The following ZNF462 variants were observed in gnomAD, a reference collection of about 807,000 sequenced individuals.
ZNF462 encodes the protein zinc finger PBX1-interacting protein.
In ZNF462, 10 loss-of-function variants were observed where a neutral mutation model predicts 201.9. The ratio of observed to expected loss-of-function variants is 0.05; its 90% CI spans 0.03 to 0.08. The LOEUF is 0.08. Among genes scored for constraint, ZNF462 ranks in the 10% least tolerant of loss-of-function variants. The pLI is 1.00. For synonymous variants in ZNF462, 1,227 were observed against 1,193.3 expected (o/e 1.03, Z -0.58); for missense variants, 2,523 against 3,168.3 (o/e 0.80, Z 4.89).
Position 107,005,275 on chromosome 9 carries a change from T to A in ZNF462, c.7189+1849T>A, listed in dbSNP as rs1017213859. Reference sequence around the variant, plus strand: ...ATGTGGTAGTTCTACTTTTAACTGATTGAGGAACCTCCATGCTGTTTCCAT... The same window carrying A: ...ATGTGGTAGTTCTACTTTTAACTGAATGAGGAACCTCCATGCTGTTTCCAT... On this transcript the variant is annotated intron_variant, in intron 11 of 12. Coordinates refer to ENST00000277225, the MANE Select transcript of ZNF462 (RefSeq NM_021224.6). This position sits in a 1 kb window ranked among gnomAD's most constrained non-coding sequence, Gnocchi z 4.4. 1.3e-5 allele frequency among the ~76,000 whole-genome samples: 2 copies of A among 152,212 alleles called. No individual in the cohort carries two copies. Among genetic ancestry groups the A allele is most frequent in the African/African-American group, 4.8e-5 (2 of 41,464 alleles).
At chr9:106,884,963 T>G (rs1056308353) in intron 1 of ZNF462, among the ~76,000 whole-genome samples, 1 of 152,232 alleles carries the variant, frequency 6.6e-6, no homozygotes, top group Admixed American at 6.5e-5. Flanking sequence ...AGTGAATGAC[T>G]GAGCCAGCTC....
rs1020285050 is a variant in ZNF462 at position 107,009,776 on chromosome 9, C to T, written c.7313+108C>T. 2.0e-6 allele frequency: 3 copies of T among 1,479,724 alleles called. No homozygotes were observed. Among genetic ancestry groups the T allele is most frequent in the Non-Finnish European group, 1.8e-6 (2 of 1,098,988 alleles). The allele number at this position is 1,479,724 out of a possible 1,614,324, so 91.7% of individuals were successfully genotyped here. A position where few individuals can be genotyped will look rare whatever the true frequency, so the allele number is the denominator to read the frequency against. On this transcript the variant is annotated intron_variant, in intron 12 of 12. Transcript: ENST00000277225. The surrounding 1 kb of genome is among the most constrained non-coding windows in gnomAD (Gnocchi z 6.1). ...ACAGTATGTACACCCCTCTGTGTCA[C>T]ATTTCTGGGCCGTGGGAGGAGAGGC...
intron 7 of ZNF462, among the ~76,000 whole-genome samples, chr9:106,948,166 C>CA (rs1831188855): frequency 6.6e-6 from 1 of 151,962 alleles, no homozygotes; most frequent in Non-Finnish European, 1.5e-5. Flanking sequence ...CCTGGGACTG[C>CA]AAAAATCCAG....
chr9:106,872,002 G>A lies in ZNF462; in HGVS notation c.-31+8647G>A, dbSNP rs1265232873. Among the ~76,000 whole-genome samples the A allele has an allele frequency of 6.6e-6, 1 of 152,206 alleles. No homozygotes were observed. Among genetic ancestry groups the A allele is most frequent in the Non-Finnish European group, 1.5e-5 (1 of 68,040 alleles). ...CATTGACTTGAGCCAAGCGTCACAG[G>A]CTGGTCTGTCCTTCCAGTCCCAGCA... On this transcript the variant is annotated intron_variant, in intron 1 of 12. Transcript: ENST00000277225. The surrounding 1 kb of genome is among the most constrained non-coding windows in gnomAD (Gnocchi z 4.5).
chr9:106,941,568 C>T (rs915184185), intron 7 of ZNF462, among the ~76,000 whole-genome samples: 1 of 152,182 alleles, frequency 6.6e-6, no homozygotes, highest in Non-Finnish European at 1.5e-5. Context: ...TGTGTGGTAA[C>T]TATTTAGTGA....
At position 106,865,742 on chromosome 9, in the gene ZNF462, C is replaced by T. The variant is rs990034016; in HGVS notation, c.-31+2387C>T. 6.6e-6 allele frequency among the ~76,000 whole-genome samples: 1 copy of T among 152,106 alleles called. No individual in the cohort carries two copies. Among genetic ancestry groups the T allele is most frequent in the African/African-American group, 2.4e-5 (1 of 41,412 alleles). On this transcript the variant is annotated intron_variant, in intron 1 of 12. Coordinates refer to ENST00000277225, the MANE Select transcript of ZNF462 (RefSeq NM_021224.6). The surrounding 1 kb of genome is among the most constrained non-coding windows in gnomAD (Gnocchi z 4.1). ...AAAACATGATGTCAGTTGAGAAAAC[C>T]TTATGTCCAGGTATCTTCACCTTTT...
intron 1 of ZNF462, among the ~76,000 whole-genome samples, chr9:106,900,379 T>A (rs1189461681): frequency 6.6e-6 from 1 of 152,146 alleles, no homozygotes; most frequent in Non-Finnish European, 1.5e-5. Context: ...AATGACTTCA[T>A]TTCCTCTGGG....
At position 106,920,763 on chromosome 9, in the gene ZNF462, A is replaced by G. The variant is rs1224178556; in HGVS notation, c.-30-2591A>G. 6.6e-6 allele frequency among the ~76,000 whole-genome samples: 1 copy of G among 152,186 alleles called. No homozygotes were observed. The highest frequency in any genetic ancestry group is 1.5e-5 in the Non-Finnish European group (1 of 68,038). ...ACACCAAGATATTAGAGAACTACAT[A>G]GAGAGATGAATTTCATTTCTAGGTG... On this transcript the variant is annotated intron_variant, in intron 1 of 12. Transcript: ENST00000277225. The surrounding 1 kb of genome is among the most constrained non-coding windows in gnomAD (Gnocchi z 4.3).
rs147041559 is a variant in ZNF462, at chr9:106,880,440, G to A, written c.-31+17085G>A. Among the ~76,000 whole-genome samples, 7 of 152,202 alleles carry A rather than the reference G, an allele frequency of 4.6e-5. No homozygotes were observed. The highest frequency in any genetic ancestry group is 2.1e-4 in the South Asian group (1 of 4,830). Reference sequence around the variant, plus strand: ...AGTGGTGTTGGCTAAATGTAGGTACGAGGGCTGCATTAAACCAGTGAGAAG... The same window carrying A: ...AGTGGTGTTGGCTAAATGTAGGTACAAGGGCTGCATTAAACCAGTGAGAAG... On this transcript the variant is annotated intron_variant, in intron 1 of 12. Coordinates refer to ENST00000277225, the MANE Select transcript of ZNF462 (RefSeq NM_021224.6). The surrounding 1 kb of genome is among the most constrained non-coding windows in gnomAD (Gnocchi z 4.1).
intron 1 of ZNF462, among the ~76,000 whole-genome samples, chr9:106,875,588 T>C (rs1381992778): frequency 6.6e-6 from 1 of 152,202 alleles, no homozygotes; most frequent in East Asian, 1.9e-4. Context: ...CTCCAAATTA[T>C]GAAATTTGCT....
chr9:106,983,035 C>G (rs970002096), intron 9 of ZNF462, among the ~76,000 whole-genome samples: 1 of 152,192 alleles, frequency 6.6e-6, no homozygotes, highest in South Asian at 2.1e-4. Context: ...TGTAAACTTT[C>G]TGAGTCTTCT....
intron 1 of ZNF462, among the ~76,000 whole-genome samples, chr9:106,881,654 CT>C (rs1170159777): frequency 6.6e-6 from 1 of 152,096 alleles, no homozygotes; most frequent in African/African-American, 2.4e-5. Flanking sequence ...CAGAATATAC[CT>C]GAGTTTTACA....
At chr9:106,960,603 T>G (rs1831789695) in intron 7 of ZNF462, among the ~76,000 whole-genome samples, 1 of 152,144 alleles carries the variant, frequency 6.6e-6, no homozygotes, top group Admixed American at 6.6e-5. Flanking sequence ...CATTCGGTAT[T>G]GTGAGAGCTT....
At chr9:106,988,667 T>C (rs1018088557) in intron 10 of ZNF462, among the ~76,000 whole-genome samples, 42 of 152,218 alleles carry the variant, frequency 2.8e-4, no homozygotes, top group African/African-American at 8.4e-4. Context: ...TTCCCATCCA[T>C]GAGCATGGGA....
chr9:106,939,257 A>G (rs1830763406), intron 7 of ZNF462, 150 bp downstream of exon 7: 6 of 861,700 alleles, frequency 7.0e-6, no homozygotes, highest in South Asian at 5.9e-5. Flanking sequence ...AATGGTGTGG[A>G]AGTTGGAGTG....
rs34309250 is a variant in ZNF462, at chr9:106,914,028, AT to A, written c.-30-9313del. Among the ~76,000 whole-genome samples, 45 of 144,590 alleles carry A rather than the reference AT, an allele frequency of 3.1e-4. 1 individual carries two copies. The highest frequency in any genetic ancestry group is 1.1e-3 in the Admixed American group (16 of 14,384). 94.9% of individuals were successfully genotyped at this position (144,590 alleles called of 152,430 possible). On this transcript the variant is annotated intron_variant, in intron 1 of 12. Transcript: ENST00000277225. The stretch of plus-strand genomic sequence containing the variant: ...GACCAGTCACATGCCTTCGCCTAGG[AT>A]TTTTTTTTTTTTCTGAAGAGATTTT...
chr9:106,909,980 G>A (rs1381602158), intron 1 of ZNF462, among the ~76,000 whole-genome samples: 1 of 152,114 alleles, frequency 6.6e-6, no homozygotes, highest in Non-Finnish European at 1.5e-5. Flanking sequence ...TGTTCGATCT[G>A]TTTTCAAACC....
rs902069122 is a variant in ZNF462 at position 106,960,652 on chromosome 9, C to CA, written c.6428-11347dup. Among the ~76,000 whole-genome samples the CA allele has an allele frequency of 2.0e-5, 3 of 151,996 alleles. 1 individual carries two copies. The highest frequency in any genetic ancestry group is 2.4e-5 in the African/African-American group (1 of 41,420). On this transcript the variant is annotated intron_variant, in intron 7 of 12. Transcript: ENST00000277225. Reference sequence around the variant, plus strand: ...GGCAGATGCCACCCAGAGTTTCCTCCAAAAAACATTAGAAAAAGGATCCTT... The same window carrying CA: ...GGCAGATGCCACCCAGAGTTTCCTCCAAAAAAACATTAGAAAAAGGATCCTT...
chr9:106,949,714 G>A (rs532220750), intron 7 of ZNF462, among the ~76,000 whole-genome samples: 1 of 151,998 alleles, frequency 6.6e-6, no homozygotes, highest in South Asian at 2.1e-4. Flanking sequence ...CCTCTCTTTT[G>A]GAGTATTCTT....
Sources: gnomAD v4.1 joint callset for allele counts (sites outside exome capture counted in the v4.1 genomes callset) on GRCh38, gnomAD v4.1.1 for gene constraint, Gnocchi (gnomAD v3.1) non-coding constraint, MANE v1.5 for transcripts, NCBI Gene and HGNC (gene_info 2026-07-23, HGNC 2026-07-21) for gene names.